SLMAP: variants seen among roughly 807,000 people sequenced by gnomAD.
The protein encoded by SLMAP is sarcolemmal membrane-associated protein.
In SLMAP, 44 loss-of-function variants were observed where a neutral mutation model predicts 128.8. The ratio of observed to expected loss-of-function variants is 0.34; its 90% confidence interval spans 0.27 to 0.44. The LOEUF (loss-of-function observed/expected upper bound fraction) is 0.44. Ranked by LOEUF, SLMAP falls within the 20% of genes least tolerant of loss-of-function variation. The pLI, the probability that SLMAP is intolerant of heterozygous loss-of-function variation, is 1.00. For missense variants in SLMAP, 787 were observed against 985.3 expected, an observed-to-expected ratio of 0.80 and a Z score of 2.69; for synonymous variants, 327 against 348.8, an observed-to-expected ratio of 0.94 and a Z score of 0.70.
chr3:57,776,979 T>C (rs1275255136), intron 2 of SLMAP, among the ~76,000 whole-genome samples: 1 of 151,988 alleles, frequency 6.6e-6, no homozygotes, highest in African/African-American at 2.4e-5. Context: ...CTATGCTACC[T>C]TGTGGCCCGA....
chr3:57,799,379 G>A (rs571242565), intron 2 of SLMAP, among the ~76,000 whole-genome samples: 82 of 152,308 alleles, frequency 5.4e-4, no homozygotes, highest in African/African-American at 1.9e-3. Context: ...TTTTATTTTA[G>A]GATGTTGTTT....
chr3:57,868,319 C>T (rs1173382246), intron 13 of SLMAP, among the ~76,000 whole-genome samples: 2 of 151,830 alleles, frequency 1.3e-5, no homozygotes, highest in Non-Finnish European at 2.9e-5. Flanking sequence ...TTCTGCTGGG[C>T]AAAGTAGCTT....
At chr3:57,772,483 A>G (rs1314922917) in intron 2 of SLMAP, among the ~76,000 whole-genome samples, 1 of 152,218 alleles carries the variant, frequency 6.6e-6, no homozygotes, top group Non-Finnish European at 1.5e-5. Context: ...TTGTGCAGAC[A>G]TGGCTGCTGC....
intron 2 of SLMAP, among the ~76,000 whole-genome samples, chr3:57,820,349 G>A (rs1430714648): frequency 6.6e-6 from 1 of 152,038 alleles, no homozygotes; most frequent in Admixed American, 6.6e-5. Flanking sequence ...CTGTTCTTTA[G>A]TATCAGTTAA....
At chr3:57,780,337 A>T (rs2082779570) in intron 2 of SLMAP, among the ~76,000 whole-genome samples, 1 of 152,076 alleles carries the variant, frequency 6.6e-6, no homozygotes, top group South Asian at 2.1e-4. Context: ...TAGAAACAGG[A>T]TCTCGCCAGG....
At chr3:57,797,900 G>A (rs1474600233) in intron 2 of SLMAP, among the ~76,000 whole-genome samples, 2 of 152,256 alleles carry the variant, frequency 1.3e-5, no homozygotes, top group African/African-American at 4.8e-5. Flanking sequence ...CAGCTGTGGA[G>A]GTCACTGCAA....
intron 7 of SLMAP, 24 bp from the exon 8 acceptor site, chr3:57,858,064 T>C: frequency 1.4e-6 from 2 of 1,415,194 alleles, no homozygotes; most frequent in Non-Finnish European, 2.0e-6. Flanking sequence ...CGGGTTTTAC[T>C]TACATTTAAT....
intron 2 of SLMAP, among the ~76,000 whole-genome samples, chr3:57,806,002 C>A (rs2089749168): frequency 6.6e-6 from 1 of 151,544 alleles, no homozygotes; most frequent in Admixed American, 6.6e-5. Flanking sequence ...TCTGTTCTTG[C>A]TAGTAGGTAA....
chr3:57,864,730 C>A lies in SLMAP; in HGVS notation c.1135+14C>A. 1.3e-6 allele frequency: 2 copies of A among 1,579,020 alleles called. No homozygotes were observed. The highest frequency in any genetic ancestry group is 1.7e-6 in the Non-Finnish European group (2 of 1,167,666). On this transcript the variant is annotated intron_variant, in intron 11 of 24. Coordinates refer to ENST00000671191, the MANE Select transcript of SLMAP (RefSeq NM_001377540.1). ...CAGCTTTACAAGGTAAGTAGCTAATCCAGAAATTGATTTTATTTTATTTTT... is the reference window on the plus strand; with the variant it reads ...CAGCTTTACAAGGTAAGTAGCTAATACAGAAATTGATTTTATTTTATTTTT...
At chr3:57,793,069 G>T (rs1385579644) in intron 2 of SLMAP, among the ~76,000 whole-genome samples, 1 of 152,040 alleles carries the variant, frequency 6.6e-6, no homozygotes, top group Non-Finnish European at 1.5e-5. Flanking sequence ...AGTCCAGGAG[G>T]CCGAAGTTGC....
Position 57,757,627 on chromosome 3 carries a change from G to T in SLMAP, c.-25G>T. The T allele has an allele frequency of 6.2e-7, 1 of 1,611,924 alleles. No individual in the cohort carries two copies. The highest frequency in any genetic ancestry group is 1.1e-5 in the South Asian group (1 of 90,956). ...AGGAACTCCTCTTTGTCCCTGGTAG[G>T]AGAGACACCCCCAGTCTATCCTCGA... On this transcript the variant is annotated 5_prime_UTR_variant, in exon 2 of 25. Coordinates refer to ENST00000671191, the MANE Select transcript of SLMAP (RefSeq NM_001377540.1).
At chr3:57,779,719 A>G (rs1422457338) in intron 2 of SLMAP, among the ~76,000 whole-genome samples, 1 of 152,088 alleles carries the variant, frequency 6.6e-6, no homozygotes, top group African/African-American at 2.4e-5. Flanking sequence ...CTCATAATCA[A>G]GTACTTCTGT....
chr3:57,874,961 A>G (rs571626454), intron 14 of SLMAP, among the ~76,000 whole-genome samples: 12 of 152,340 alleles, frequency 7.9e-5, no homozygotes, highest in Middle Eastern at 3.4e-3. Context: ...AACACAGAAT[A>G]AAGTTTGCTT....
intron 14 of SLMAP, among the ~76,000 whole-genome samples, chr3:57,886,638 C>G (rs1575741403): frequency 7.4e-6 from 1 of 135,226 alleles, no homozygotes; most frequent in South Asian, 2.3e-4. Context: ...TCCTAGAGAT[C>G]TAATATATTA....
At chr3:57,889,123 A>G (rs2095992148) in intron 14 of SLMAP, among the ~76,000 whole-genome samples, 1 of 152,174 alleles carries the variant, frequency 6.6e-6, no homozygotes, top group African/African-American at 2.4e-5. Context: ...TGACCTCGTG[A>G]TCCACCCGCC....
At chr3:57,908,304 A>T (rs567969551) in intron 18 of SLMAP, among the ~76,000 whole-genome samples, 30 of 152,362 alleles carry the variant, frequency 2.0e-4, no homozygotes, top group African/African-American at 7.2e-4. Flanking sequence ...TCAAATTTCT[A>T]AATTTTTATT....
At chr3:57,896,957 T>C in intron 17 of SLMAP, 25 bp downstream of exon 17, 1 of 1,613,096 alleles carries the variant, frequency 6.2e-7, no homozygotes. Flanking sequence ...TTTTATGACA[T>C]CGTAAACCAG....
intron 2 of SLMAP, among the ~76,000 whole-genome samples, chr3:57,816,599 T>C (rs1576971802): frequency 1.3e-5 from 2 of 152,310 alleles, no homozygotes; most frequent in East Asian, 1.9e-4. Flanking sequence ...AGAAGTCATA[T>C]GTGACTTGTG....
intron 17 of SLMAP, among the ~76,000 whole-genome samples, chr3:57,902,995 G>A (rs1405030826): frequency 6.6e-6 from 1 of 152,156 alleles, no homozygotes; most frequent in Non-Finnish European, 1.5e-5. Flanking sequence ...TTTCTCAGAT[G>A]TTTTATTGAC....
Sources: gnomAD v4.1 joint callset for allele counts (sites outside exome capture counted in the v4.1 genomes callset) on GRCh38, gnomAD v4.1.1 for gene constraint, MANE v1.5 for transcripts, NCBI Gene and HGNC (gene_info 2026-07-23, HGNC 2026-07-21) for gene names.